Variants in DCDC1 observed in about 807,000 individuals in gnomAD.
DCDC1 encodes doublecortin domain containing 1.
A neutral mutation model predicts 178.3 loss-of-function variants in DCDC1; 200 were observed. The ratio of observed to expected loss-of-function variants is 1.12; its 90% CI spans 1.00 to 1.26. The LOEUF is 1.26. Among genes scored for constraint, DCDC1 ranks in the 50% most tolerant of loss-of-function variants. The pLI, the probability that DCDC1 is intolerant of heterozygous loss-of-function variation, is 0.00. For synonymous variants in DCDC1, 690 were observed against 604.8 expected (o/e 1.14, Z -2.07); for missense variants, 1,983 against 1,749.2 (o/e 1.13, Z -2.38).
chr11:30,922,764 A>G (rs1946332392), intron 23 of DCDC1, 126 bp from the exon 24 acceptor site: 7 of 943,268 alleles, frequency 7.4e-6, no homozygotes, highest in Non-Finnish European at 7.2e-6. Flanking sequence ...ATGATTAAAG[A>G]AAACTGTGTA....
chr11:30,878,353 T>C (rs1942333130), intron 38 of DCDC1, among the ~76,000 whole-genome samples, 191 bp downstream of exon 38: 1 of 151,906 alleles, frequency 6.6e-6, no homozygotes, highest in African/African-American at 2.4e-5. Context: ...CTTGGGAGGC[T>C]GAGATGGGAG....
intron 8 of DCDC1, among the ~76,000 whole-genome samples, chr11:31,243,840 C>G (rs1977488809): frequency 6.6e-6 from 1 of 151,712 alleles, no homozygotes. Context: ...AGAATCTGCT[C>G]TGAACTTGTT....
chr11:31,194,286 C>T (rs544432256), intron 9 of DCDC1, among the ~76,000 whole-genome samples: 42 of 152,144 alleles, frequency 2.8e-4, no homozygotes, highest in African/African-American at 8.7e-4. Flanking sequence ...ATTCACTGAC[C>T]TCAAATTTGC....
chr11:30,952,644 G>C (rs992198651), intron 20 of DCDC1, 76 bp from the exon 21 acceptor site: 1 of 613,720 alleles, frequency 1.6e-6, no homozygotes, highest in African/African-American at 1.8e-5. Context: ...TTTATTCATT[G>C]AGTACTTACT....
At chr11:31,200,648 T>G (rs1408256647) in intron 9 of DCDC1, among the ~76,000 whole-genome samples, 1 of 151,946 alleles carries the variant, frequency 6.6e-6, no homozygotes, top group South Asian at 2.1e-4. Flanking sequence ...AATAATATTA[T>G]TTTTTAAAGG....
chr11:30,936,127 C>A (rs1209678279), intron 21 of DCDC1, among the ~76,000 whole-genome samples: 1 of 152,162 alleles, frequency 6.6e-6, no homozygotes, highest in Non-Finnish European at 1.5e-5. Flanking sequence ...ATTTAAGAGG[C>A]AGAGTTTGAG....
At chr11:31,019,270 T>C (rs1952700578) in intron 20 of DCDC1, among the ~76,000 whole-genome samples, 2 of 152,154 alleles carry the variant, frequency 1.3e-5, no homozygotes, top group Non-Finnish European at 2.9e-5. Context: ...ATTAGTATCA[T>C]TATTAGAGAG....
chr11:31,365,206 T>C (rs942828398), intron 1 of DCDC1, among the ~76,000 whole-genome samples: 1 of 152,184 alleles, frequency 6.6e-6, no homozygotes, highest in African/African-American at 2.4e-5. Context: ...TATTTGTCGA[T>C]TGAGTCAATA....
intron 10 of DCDC1, among the ~76,000 whole-genome samples, chr11:31,132,659 C>A (rs781092416): frequency 6.6e-6 from 1 of 152,078 alleles, no homozygotes; most frequent in East Asian, 1.9e-4. Context: ...AACATAGAGG[C>A]CTGAGAGACA....
intron 22 of DCDC1, among the ~76,000 whole-genome samples, chr11:30,927,029 G>A (rs1946630444): frequency 6.6e-6 from 1 of 151,560 alleles, no homozygotes; most frequent in South Asian, 2.1e-4. Flanking sequence ...CCCACCCCAG[G>A]AGCTGTTCTA....
intron 11 of DCDC1, among the ~76,000 whole-genome samples, chr11:31,114,966 C>A (rs1211347332): frequency 1.3e-5 from 2 of 152,054 alleles, no homozygotes; most frequent in African/African-American, 4.8e-5. Flanking sequence ...CTATTTGCTT[C>A]TTTGTTTATT....
chr11:31,354,664 C>T (rs183792828), intron 1 of DCDC1, among the ~76,000 whole-genome samples: 114 of 152,206 alleles, frequency 7.5e-4, no homozygotes, highest in African/African-American at 2.6e-3. Context: ...ATTTCAATGT[C>T]GTAAGCCTTT....
intron 9 of DCDC1, among the ~76,000 whole-genome samples, chr11:31,229,546 G>T (rs189497125): frequency 6.6e-6 from 1 of 152,102 alleles, no homozygotes; most frequent in Admixed American, 6.5e-5. Context: ...AAAAGTATTT[G>T]AAAAAATATG....
chr11:31,016,541 T>C (rs1952496028), intron 20 of DCDC1, among the ~76,000 whole-genome samples: 1 of 152,224 alleles, frequency 6.6e-6, no homozygotes, highest in Middle Eastern at 3.2e-3. Flanking sequence ...ACTGACTACA[T>C]GACTTGGGTT....
At chr11:30,904,612 A>T (rs535531554) in intron 31 of DCDC1, 1 of 271,610 alleles carries the variant, frequency 3.7e-6, no homozygotes, top group African/African-American at 2.2e-5. Context: ...GATGATTCAG[A>T]TGACATACAA....
intron 20 of DCDC1, among the ~76,000 whole-genome samples, chr11:31,048,498 A>G (rs559156086): frequency 7.9e-5 from 12 of 152,318 alleles, no homozygotes; most frequent in Admixed American, 1.3e-4. Context: ...GAAAGCCCCA[A>G]TTAGAGACTT....
intron 27 of DCDC1, among the ~76,000 whole-genome samples, chr11:30,911,894 G>T (rs1945474138): frequency 6.6e-6 from 1 of 152,080 alleles, no homozygotes; most frequent in Non-Finnish European, 1.5e-5. Context: ...ATTATGTCCT[G>T]CTCACTCAGT....
At position 31,172,683 on chromosome 11, in the gene DCDC1, A is replaced by T. The variant is rs1454421445; in HGVS notation, c.1222-34899T>A. 3.9e-5 allele frequency among the ~76,000 whole-genome samples: 6 copies of T among 152,312 alleles called. No individual in the cohort carries two copies. The East Asian group carries it at 1.2e-3, about 29-fold the overall frequency. Reference sequence around the variant, plus strand: ...TCTTACAATAACATAAGCTAGAGAAAAGAAAATTATATTAAGAAAATCATA... The same window carrying T: ...TCTTACAATAACATAAGCTAGAGAATAGAAAATTATATTAAGAAAATCATA... On this transcript the variant is annotated intron_variant, in intron 9 of 38. Transcript: ENST00000684477.
intron 20 of DCDC1, among the ~76,000 whole-genome samples, chr11:31,035,516 A>C (rs918882091): frequency 6.6e-6 from 1 of 152,214 alleles, no homozygotes; most frequent in Admixed American, 6.5e-5. Context: ...CTCATAATTA[A>C]ACTGAGATTA....
Sources: gnomAD v4.1 joint callset for allele counts (sites outside exome capture counted in the v4.1 genomes callset) on GRCh38, gnomAD v4.1.1 for gene constraint, MANE v1.5 for transcripts, NCBI Gene and HGNC (gene_info 2026-07-23, HGNC 2026-07-21) for gene names.